Variants in CTF1 observed in about 807,000 individuals in gnomAD.
The protein encoded by CTF1 is cardiotrophin 1.
A neutral mutation model predicts 10.9 loss-of-function variants in CTF1; 9 were observed. That is an observed-to-expected ratio of 0.83 (90% CI 0.50 to 1.44). The LOEUF (loss-of-function observed/expected upper bound fraction) is 1.44. CTF1 is among the 40% of genes most tolerant of loss of function. CTF1 has a pLI of 0.00. For synonymous variants in CTF1, 133 were observed against 138.8 expected, an observed-to-expected ratio of 0.96 and a Z score of 0.29; for missense variants, 259 against 275.3, an observed-to-expected ratio of 0.94 and a Z score of 0.42.
Position 30,902,644 on chromosome 16 carries a change from C to A in CTF1, c.*105C>A. On this transcript the variant is annotated 3_prime_UTR_variant, in exon 3 of 3. Transcript: ENST00000279804. ...TCGGTGTCTGTCTGTCTGCTCTTAG[C>A]TGTCTCCATTGCCTCGGCCTTCTTT... 7.4e-7 allele frequency: 1 copy of A among 1,346,046 alleles called. No homozygotes were observed. Among genetic ancestry groups the A allele is most frequent in the Non-Finnish European group, 9.6e-7 (1 of 1,040,450 alleles). The allele number at this position is 1,346,046 out of a possible 1,614,324, so 83.4% of individuals were successfully genotyped here.
At chr16:30,900,770 G>C (rs1163900280) in intron 2 of CTF1, among the ~76,000 whole-genome samples, 1 of 152,124 alleles carries the variant, frequency 6.6e-6, no homozygotes, top group Non-Finnish European at 1.5e-5. Flanking sequence ...GCGACAGTGT[G>C]AGACCCCATC....
upstream of CTF1, among the ~76,000 whole-genome samples, chr16:30,895,951 A>G (rs2055343745): frequency 6.6e-6 from 1 of 151,114 alleles, no homozygotes; most frequent in Non-Finnish European, 1.5e-5. Context: ...GCCAGAAACC[A>G]AGTATGGATC....
At position 30,902,234 on chromosome 16, in the gene CTF1, C is replaced by T; in HGVS notation, c.301C>T (p.Leu101=). The T allele has an allele frequency of 8.8e-7, 1 of 1,137,826 alleles. No homozygotes were observed. The highest frequency in any genetic ancestry group is 1.1e-6 in the Non-Finnish European group (1 of 930,262). 70.5% of individuals were successfully genotyped at this position (1,137,826 alleles called of 1,614,324 possible). ...AAALAALPPL[L]DAVCRRQAEL... is the part of the protein sequence containing the mutation. Reference sequence around the variant, plus strand: ...GGCGCTGGCCGCGCTGCCCCCGCTGCTGGACGCAGTGTGTCGCCGCCAGGC... The same window carrying T: ...GGCGCTGGCCGCGCTGCCCCCGCTGTTGGACGCAGTGTGTCGCCGCCAGGC... The change falls in exon 3 of 3, where the codon CTG becomes TTG. Residue 101 remains leucine (L), a synonymous_variant. Coordinates refer to ENST00000279804, the MANE Select transcript of CTF1 (RefSeq NM_001330.5).
At chr16:30,900,705 G>C (rs2055393378) in intron 2 of CTF1, among the ~76,000 whole-genome samples, 1 of 152,188 alleles carries the variant, frequency 6.6e-6, no homozygotes, top group Non-Finnish European at 1.5e-5. Context: ...GCTGAGTGTG[G>C]AGGATTGCTT....
intron 1 of CTF1, among the ~76,000 whole-genome samples, chr16:30,897,387 G>C (rs916851593): frequency 6.6e-6 from 1 of 152,156 alleles, no homozygotes; most frequent in African/African-American, 2.4e-5. Flanking sequence ...TGATGTTGAA[G>C]TCCACTAGCA....
In CTF1 at chr16:30,898,954, T is replaced by C. The variant is rs141056311; in HGVS notation, c.26-461T>C. 8.9e-4 allele frequency among the ~76,000 whole-genome samples: 135 copies of C among 152,304 alleles called. 1 individual carries two copies. The highest frequency in any genetic ancestry group is 3.2e-3 in the African/African-American group (133 of 41,574). ...GATTACAGACATCAGCAATCTCACC[T>C]GGCCCTTTTCTATGTTTAGATACAC... On this transcript the variant is annotated intron_variant, in intron 1 of 2. Transcript: ENST00000279804.
At chr16:30,899,620 C>G in intron 2 of CTF1, 87 bp downstream of exon 2, 1 of 816,570 alleles carries the variant, frequency 1.2e-6, no homozygotes, top group South Asian at 1.7e-5. Context: ...TTCTCTCAAC[C>G]TCATTTTCCA....
intron 2 of CTF1, 33 bp downstream of exon 2, chr16:30,899,566 C>G: frequency 1.9e-6 from 2 of 1,031,258 alleles, no homozygotes; most frequent in Non-Finnish European, 1.5e-6. Flanking sequence ...GTGCCGGGGG[C>G]CTGGGGAATG....
In CTF1 at chr16:30,899,444, C is replaced by G. The variant is rs544073469; in HGVS notation, c.55C>G (p.Leu19Val). The change falls in exon 2 of 3, where the codon CTT (leucine) becomes GTT (valine). Residue 19 changes from leucine (L) to valine (V), a missense_variant. Physicochemically the swap from Leu to Val is conservative, Grantham distance 32 (BLOSUM62 1). Coordinates refer to ENST00000279804, the MANE Select transcript of CTF1 (RefSeq NM_001330.5). The stretch of plus-strand genomic sequence containing the variant: ...CCCCCAGACTGATTCCTCAGTCTCA[C>G]TTCTTCCCCACTTGGAGGCCAAGAT... ...EDPQTDSSVSLLPHLEAKIRQ... is the reference protein window; with the variant it reads ...EDPQTDSSVSVLPHLEAKIRQ... 1 of 1,613,670 alleles carries G rather than the reference C, an allele frequency of 6.2e-7. No homozygotes were observed. The highest frequency in any genetic ancestry group is 1.3e-5 in the African/African-American group (1 of 74,972).
At chr16:30,896,477 G>A (rs1377391280), upstream of CTF1, 9 of 589,900 alleles carry the variant, frequency 1.5e-5, no homozygotes, top group South Asian at 1.7e-4. Flanking sequence ...CACGGACGAG[G>A]AGCTGAGCTC....
At chr16:30,901,041 C>T (rs1025042945) in intron 2 of CTF1, among the ~76,000 whole-genome samples, 2 of 152,014 alleles carry the variant, frequency 1.3e-5, no homozygotes, top group Non-Finnish European at 2.9e-5. Flanking sequence ...TTACAGTCAC[C>T]ACCACCATAT....
In CTF1 at chr16:30,902,742, CCAG is replaced by C. The variant is rs2055417679; in HGVS notation, c.*206_*208del. 6.6e-5 allele frequency: 46 copies of C among 699,446 alleles called. No homozygotes were observed. In the South Asian group the frequency reaches 1.5e-3, roughly 23 times the overall value. The allele number at this position is 699,446 out of a possible 1,614,324, so 43.3% of individuals were successfully genotyped here. A position where few individuals can be genotyped will look rare whatever the true frequency, so the allele number is the denominator to read the frequency against. ...CAGGCTGGGGTGCAGTGGCGCGATC[CCAG>C]CACTGCAGCCTCAACCTCCTGGGCT... On this transcript the variant is annotated 3_prime_UTR_variant, in exon 3 of 3. Transcript: ENST00000279804.
intron 1 of CTF1, among the ~76,000 whole-genome samples, chr16:30,897,320 C>T (rs573418241): frequency 6.6e-6 from 1 of 152,288 alleles, no homozygotes; most frequent in East Asian, 1.9e-4. Context: ...AAGTCAGTCT[C>T]CCTATCTGTA....
Position 30,902,704 on chromosome 16 carries a change from G to T in CTF1, c.*165G>T. On this transcript the variant is annotated 3_prime_UTR_variant, in exon 3 of 3. Coordinates refer to ENST00000279804, the MANE Select transcript of CTF1 (RefSeq NM_001330.5). ...GGGGGAGAGGGGAGGGGACGGGCAG[G>T]GTCTCTGTCGCCCAGGCTGGGGTGC... is the stretch of plus-strand genomic sequence containing the variant. The T allele has an allele frequency of 9.0e-7, 1 of 1,109,086 alleles. No homozygotes were observed. The highest frequency in any genetic ancestry group is 1.2e-6 in the Non-Finnish European group (1 of 853,850). 68.7% of individuals were successfully genotyped at this position (1,109,086 alleles called of 1,614,324 possible). A position where few individuals can be genotyped will look rare whatever the true frequency, so the allele number is the denominator to read the frequency against.
At chr16:30,901,700 T>C (rs1367378849) in intron 2 of CTF1, among the ~76,000 whole-genome samples, 4 of 148,540 alleles carry the variant, frequency 2.7e-5, no homozygotes, top group African/African-American at 7.4e-5. Context: ...AGCCTCAGCC[T>C]CCGGAACAGC....
Position 30,902,606 on chromosome 16 carries a change from T to TTA in CTF1, c.*68_*69insAT, listed in dbSNP as rs2055415960. The TTA allele has an allele frequency of 7.0e-6, 10 of 1,423,582 alleles. No homozygotes were observed. Among genetic ancestry groups the TTA allele is most frequent in the Non-Finnish European group, 9.2e-6 (10 of 1,083,810 alleles). 88.2% of individuals were successfully genotyped at this position (1,423,582 alleles called of 1,614,324 possible). ...CGTCTCTCCTTCCGCTTCTTTGTCT[T>TTA]TCTCTGCCGCTGTCGGTGTCTGTCT... is the stretch of plus-strand genomic sequence containing the variant. On this transcript the variant is annotated 3_prime_UTR_variant, in exon 3 of 3. Coordinates refer to ENST00000279804, the MANE Select transcript of CTF1 (RefSeq NM_001330.5).
rs2055417803 is a variant in CTF1 at position 30,902,755 on chromosome 16, C to T, written c.*216C>T. The stretch of plus-strand genomic sequence containing the variant: ...AGTGGCGCGATCCCAGCACTGCAGC[C>T]TCAACCTCCTGGGCTCAAGCCATCC... On this transcript the variant is annotated 3_prime_UTR_variant, in exon 3 of 3. Transcript: ENST00000279804. 2 of 573,800 alleles carry T rather than the reference C, an allele frequency of 3.5e-6. No homozygotes were observed. The highest frequency in any genetic ancestry group is 4.6e-5 in the Admixed American group (1 of 21,904). 35.5% of individuals were successfully genotyped at this position (573,800 alleles called of 1,614,324 possible).
At chr16:30,900,989 G>A (rs181601374) in intron 2 of CTF1, among the ~76,000 whole-genome samples, 2 of 151,964 alleles carry the variant, frequency 1.3e-5, no homozygotes, top group East Asian at 3.9e-4. Flanking sequence ...CGCCTCCCAG[G>A]TTCAAGGGAT....
intron 1 of CTF1, 116 bp downstream of exon 1, chr16:30,896,784 C>A: frequency 2.2e-6 from 2 of 912,842 alleles, no homozygotes; most frequent in South Asian, 5.3e-5. Context: ...GCGGCCTTGG[C>A]GGGGAAGGGC....
Sources: gnomAD v4.1 joint callset for allele counts (sites outside exome capture counted in the v4.1 genomes callset) on GRCh38, gnomAD v4.1.1 for gene constraint, MANE v1.5 for transcripts, NCBI Gene and HGNC (gene_info 2026-07-23, HGNC 2026-07-21) for gene names.